The following AK3 variants were observed in gnomAD, a reference collection of about 807,000 sequenced individuals.
The protein encoded by AK3 is adenylate kinase 3, also known as GTP:AMP phosphotransferase AK3, mitochondrial.
A neutral mutation model predicts 23.7 loss-of-function variants in AK3; 27 were observed. That is an observed-to-expected ratio of 1.14 (90% confidence interval 0.84 to 1.57). The LOEUF (loss-of-function observed/expected upper bound fraction) is 1.57. Among genes scored for constraint, AK3 ranks in the 40% most tolerant of loss-of-function variants. The pLI is 0.00. For synonymous variants in AK3, 159 were observed against 116.0 expected (o/e 1.37, Z -2.38); for missense variants, 406 against 285.6 (o/e 1.42, Z -3.04).
intron 1 of AK3, among the ~76,000 whole-genome samples, chr9:4,726,326 T>C (rs1842023045): frequency 6.6e-6 from 1 of 152,234 alleles, no homozygotes; most frequent in East Asian, 1.9e-4. Flanking sequence ...CAGTGTTGTG[T>C]GATAGTATTT....
At chr9:4,716,400 G>A (rs938478514) in intron 4 of AK3, among the ~76,000 whole-genome samples, 17 of 152,142 alleles carry the variant, frequency 1.1e-4, no homozygotes, top group African/African-American at 3.9e-4. Context: ...GCTGTTGTAG[G>A]ACTTTCCAGG....
chr9:4,732,856 TTCTC>T lies in AK3; in HGVS notation c.151+8077_151+8080del, dbSNP rs775500324. Among the ~76,000 whole-genome samples, 1,218 of 145,592 alleles carry T rather than the reference TTCTC, an allele frequency of 8.4e-3. 15 individuals carry two copies. Among genetic ancestry groups the T allele is most frequent in the African/African-American group, 0.028 (1,126 of 40,430 alleles). On this transcript the variant is annotated intron_variant, in intron 1 of 4. Transcript: ENST00000381809. ...GACCTGACCAAACTGTAAATAACAG[TTCTC>T]TCTCTCTCTCTTTTTTTTTTTTTTT...
Position 4,719,580 on chromosome 9 carries a change from A to T in AK3, c.272-273T>A, listed in dbSNP as rs78505300. Among the ~76,000 whole-genome samples the T allele has an allele frequency of 8.8e-3, 1,341 of 152,274 alleles. 19 individuals are homozygous for T. Among genetic ancestry groups the T allele is most frequent in the African/African-American group, 0.031 (1,270 of 41,542 alleles). ...CTTTTGTTATGAAATTATCATGTAA[A>T]TAGGCAGACTGATAAAGTACATTGC... On this transcript the variant is annotated intron_variant, in intron 2 of 4. Transcript: ENST00000381809.
intron 1 of AK3, among the ~76,000 whole-genome samples, chr9:4,737,302 A>G (rs756332714): frequency 1.3e-5 from 2 of 152,170 alleles, no homozygotes; most frequent in Non-Finnish European, 2.9e-5. Context: ...CATGAATCTC[A>G]TCGTCTAATT....
chr9:4,722,083 G>A (rs1169479656), intron 2 of AK3, among the ~76,000 whole-genome samples: 1 of 152,206 alleles, frequency 6.6e-6, no homozygotes, highest in Non-Finnish European at 1.5e-5. Context: ...TTTAGTGAGA[G>A]CTGAGGACTC....
Position 4,722,548 on chromosome 9 carries a change from G to A in AK3, c.229C>T (p.His77Tyr). 6.2e-7 allele frequency: 1 copy of A among 1,614,216 alleles called. No homozygotes were observed. Among genetic ancestry groups the A allele is most frequent in the Non-Finnish European group, 8.5e-7 (1 of 1,180,028 alleles). ...TACTGGGTGAGATTTTTCAGCTCAT[G>A]AAGGGCCAGCCGAGTCATGACATCA... ...PDDVMTRLAL[H>Y]ELKNLTQYSW... Residue 77 changes from histidine (H) to tyrosine (Y), a missense_variant, in exon 2 of 5, where the codon CAT becomes TAT. Physicochemically the swap from His to Tyr is moderately conservative, Grantham distance 83. Coordinates refer to ENST00000381809, the MANE Select transcript of AK3 (RefSeq NM_016282.4).
rs1295633089 is a variant in AK3, at chr9:4,735,478, A to ATATATATATATATAT, written c.151+5458_151+5459insATATATATATATATA. ...ACATAGTATATGTGTATATATATAT[A>ATATATATATATATAT]TTTTTTTTTTTTTTTTGGAAACAGA... On this transcript the variant is annotated intron_variant, in intron 1 of 4. Transcript: ENST00000381809. 4.8e-4 allele frequency among the ~76,000 whole-genome samples: 30 copies of ATATATATATATATAT among 62,586 alleles called. 1 individual carries two copies. The highest frequency in any genetic ancestry group is 2.0e-3 in the African/African-American group (30 of 15,298). 41.1% of individuals were successfully genotyped at this position (62,586 alleles called of 152,430 possible).
intron 1 of AK3, among the ~76,000 whole-genome samples, chr9:4,723,424 G>C (rs1391606213): frequency 1.3e-5 from 2 of 152,136 alleles, no homozygotes; most frequent in Non-Finnish European, 2.9e-5. Context: ...ACACAATTCA[G>C]TTTTTAACCA....
chr9:4,728,866 T>TATATATACACAC (rs1395790351), intron 1 of AK3, among the ~76,000 whole-genome samples: 956 of 87,156 alleles, frequency 0.011, 8 homozygotes, highest in Non-Finnish European at 0.015. Context: ...TATATATATA[T>TATATATACACAC]ACACACACAC....
intron 4 of AK3, among the ~76,000 whole-genome samples, chr9:4,717,319 G>A (rs967341355): frequency 8.5e-5 from 13 of 152,162 alleles, no homozygotes; most frequent in African/African-American, 3.1e-4. Context: ...GAAAACTGGA[G>A]TATTTCTTAG....
intron 1 of AK3, among the ~76,000 whole-genome samples, chr9:4,739,957 AG>A (rs1842386600): frequency 6.6e-6 from 1 of 151,730 alleles, no homozygotes; most frequent in Admixed American, 6.6e-5. Flanking sequence ...AAACCTTTCT[AG>A]AAGGAAAACT....
rs1389717995 is a variant in AK3, at chr9:4,722,492, G to C, written c.271+14C>G. 3 of 1,614,054 alleles carry C rather than the reference G, an allele frequency of 1.9e-6. No individual in the cohort carries two copies. Among genetic ancestry groups the C allele is most frequent in the African/African-American group, 1.3e-5 (1 of 75,030 alleles). The stretch of plus-strand genomic sequence containing the variant: ...TATTTTGGGCAGGTGAAATGCTCAT[G>C]AGACTCCACTTACCATCCAACAGCC... On this transcript the variant is annotated intron_variant, in intron 2 of 4. Transcript: ENST00000381809.
At position 4,715,161 on chromosome 9, in the gene AK3, G is replaced by C. The variant is rs1271252946; in HGVS notation, c.564-2065C>G. 6.9e-5 allele frequency among the ~76,000 whole-genome samples: 10 copies of C among 144,334 alleles called. No homozygotes were observed. The East Asian group carries it at 2.2e-3, about 32-fold the overall frequency. The allele number at this position is 144,334 out of a possible 152,430, so 94.7% of individuals were successfully genotyped here. A position where few individuals can be genotyped will look rare whatever the true frequency, so the allele number is the denominator to read the frequency against. ...TTGAACCTGGGATGAGGAGGCTGCA[G>C]TGAGCTGGGATGGCACCACTGCACT... On this transcript the variant is annotated intron_variant, in intron 4 of 4. Transcript: ENST00000381809.
chr9:4,716,275 C>T (rs1216136438), intron 4 of AK3, among the ~76,000 whole-genome samples: 5 of 152,194 alleles, frequency 3.3e-5, no homozygotes, highest in African/African-American at 1.2e-4. Context: ...ACAAACATAG[C>T]TTCTTGGAGC....
intron 1 of AK3, among the ~76,000 whole-genome samples, chr9:4,734,399 G>A (rs1019953508): frequency 6.6e-6 from 1 of 152,182 alleles, no homozygotes; most frequent in Admixed American, 6.5e-5. Flanking sequence ...CTGCTCCCAT[G>A]CCCACACTCT....
rs1298877534 is a variant in AK3 at position 4,727,036 on chromosome 9, G to C, written c.152-4411C>G. Among the ~76,000 whole-genome samples, 5 of 152,234 alleles carry C rather than the reference G, an allele frequency of 3.3e-5. No individual in the cohort carries two copies. In the South Asian group the frequency reaches 1.0e-3, roughly 32 times the overall value. ...AACGAATCTTTTTCTCTCAACAATA[G>C]TTCTCAACAGTGGGCTTCAAATAGT... is the stretch of plus-strand genomic sequence containing the variant. On this transcript the variant is annotated intron_variant, in intron 1 of 4. Coordinates refer to ENST00000381809, the MANE Select transcript of AK3 (RefSeq NM_016282.4).
In AK3 at chr9:4,719,198, A is replaced by C. The variant is rs1841823460; in HGVS notation, c.381T>G (p.Ala127=). Residue 127 remains alanine, a synonymous_variant, in exon 3 of 5, where the codon GCT becomes GCG. Coordinates refer to ENST00000381809, the MANE Select transcript of AK3 (RefSeq NM_016282.4). ...GGCCACTGGCGGGATGAATCCAGCGAGCAGTAAGGCGTTGTTTAATGACCT... is the reference window on the plus strand; with the variant it reads ...GGCCACTGGCGGGATGAATCCAGCGCGCAGTAAGGCGTTGTTTAATGACCT... ...PFEVIKQRLT[A]RWIHPASGRV... is the part of the protein sequence containing the mutation. 1 of 1,611,930 alleles carries C rather than the reference A, an allele frequency of 6.2e-7. No individual in the cohort carries two copies. The highest frequency in any genetic ancestry group is 8.5e-7 in the Non-Finnish European group (1 of 1,179,832).
chr9:4,735,390 AAT>A (rs1324305860), intron 1 of AK3, among the ~76,000 whole-genome samples: 3 of 23,896 alleles, frequency 1.3e-4, no homozygotes, highest in African/African-American at 4.5e-4. Flanking sequence ...TACATATATA[AAT>A]ATATATACAT....
intron 1 of AK3, among the ~76,000 whole-genome samples, chr9:4,728,788 G>A (rs1263073669): frequency 1.3e-5 from 2 of 148,786 alleles, no homozygotes; most frequent in Non-Finnish European, 3.0e-5. Context: ...TTGAGGCCAG[G>A]AGTTCAAGAC....
Sources: gnomAD v4.1 joint callset for allele counts (sites outside exome capture counted in the v4.1 genomes callset) on GRCh38, gnomAD v4.1.1 for gene constraint, MANE v1.5 for transcripts, NCBI Gene and HGNC (gene_info 2026-07-23, HGNC 2026-07-21) for gene names.